Variants in TNIP1 observed in about 807,000 individuals in gnomAD.
The protein encoded by TNIP1 is TNFAIP3-interacting protein 1.
In TNIP1, 22 loss-of-function variants were observed where a neutral mutation model predicts 86.6. That is an observed-to-expected ratio of 0.25 (90% CI 0.18 to 0.36). TNIP1 has a LOEUF of 0.36. Among genes scored for constraint, TNIP1 ranks in the 10% least tolerant of loss-of-function variants. The probability of loss-of-function intolerance (pLI) is 1.00; values close to 1 mark genes in which losing one functional copy is unlikely to be tolerated. For synonymous variants in TNIP1, 294 were observed against 313.0 expected, an observed-to-expected ratio of 0.94 and a Z score of 0.64; for missense variants, 709 against 820.6, an observed-to-expected ratio of 0.86 and a Z score of 1.66.
At position 151,049,928 on chromosome 5, in the gene TNIP1, T is replaced by C; in HGVS notation, c.742A>G (p.Lys248Glu). ...ERLREENLEL[K>E]KLLMSNGNKE... ...TTGCCATTGCTCATCAACAACTTCT[T>C]GAGCTCCAAATTTTCCTCCCTGGGA... The change falls in exon 8 of 18, where the codon AAG (lysine) becomes GAG (glutamate). Residue 248 changes from lysine (K) to glutamate (E), a missense_variant. Transcript: ENST00000521591. The C allele has an allele frequency of 2.5e-6, 4 of 1,614,120 alleles. No individual in the cohort carries two copies. The highest frequency in any genetic ancestry group is 3.4e-6 in the Non-Finnish European group (4 of 1,179,980).
intron 5 of TNIP1, among the ~76,000 whole-genome samples, chr5:151,058,462 T>C (rs1214115384): frequency 2.0e-5 from 3 of 152,224 alleles, no homozygotes; most frequent in Admixed American, 6.5e-5. Context: ...ACCTGCAGTG[T>C]TACCCTACTG....
intron 9 of TNIP1, among the ~76,000 whole-genome samples, chr5:151,043,419 G>A (rs1043183766): frequency 1.3e-5 from 2 of 152,154 alleles, no homozygotes; most frequent in African/African-American, 4.8e-5. Context: ...GCCAATCTAA[G>A]CACAGAAGAT....
intron 1 of TNIP1, among the ~76,000 whole-genome samples, chr5:151,070,554 G>A (rs1335706938): frequency 6.6e-6 from 1 of 152,158 alleles, no homozygotes; most frequent in Non-Finnish European, 1.5e-5. Flanking sequence ...TGAACATGTA[G>A]CTATAAGAAG....
intron 15 of TNIP1, chr5:151,034,513 G>A (rs1261044752): frequency 3.7e-6 from 1 of 270,370 alleles, no homozygotes; most frequent in East Asian, 1.5e-4. Context: ...GGAAGGCTGG[G>A]TAAATGGACA....
chr5:151,071,246 A>G (rs1762794338), intron 1 of TNIP1, among the ~76,000 whole-genome samples: 1 of 152,164 alleles, frequency 6.6e-6, no homozygotes, highest in African/African-American at 2.4e-5. Flanking sequence ...CCTCACCAAC[A>G]AGGAGCCCAG....
At chr5:151,039,020 G>A in intron 12 of TNIP1, 77 bp downstream of exon 12, 1 of 1,544,818 alleles carries the variant, frequency 6.5e-7, no homozygotes, top group Non-Finnish European at 8.7e-7. Flanking sequence ...TGAATGGTTG[G>A]GGGTGCCAGT....
intron 9 of TNIP1, among the ~76,000 whole-genome samples, chr5:151,043,255 G>A (rs984624317): frequency 6.6e-6 from 1 of 152,088 alleles, no homozygotes; most frequent in Non-Finnish European, 1.5e-5. Flanking sequence ...GGGCAGTCTG[G>A]GATTATGTAT....
chr5:151,059,826 AGAGTGTGTGT>A (rs1177944827), intron 5 of TNIP1, among the ~76,000 whole-genome samples: 32 of 72,148 alleles, frequency 4.4e-4, no homozygotes, highest in Non-Finnish European at 6.8e-4. Context: ...AGAGAGAGAG[AGAGTGTGTGT>A]GTGTGTGTGT....
At chr5:151,051,318 G>A (rs1250911016) in intron 7 of TNIP1, among the ~76,000 whole-genome samples, 1 of 152,094 alleles carries the variant, frequency 6.6e-6, no homozygotes, top group African/African-American at 2.4e-5. Flanking sequence ...GAAAAACAGA[G>A]TGGCAAGTCC....
At chr5:151,062,343 G>A (rs143622517) in intron 3 of TNIP1, 131 bp from the exon 4 acceptor site, 2 of 813,098 alleles carry the variant, frequency 2.5e-6, no homozygotes, top group Non-Finnish European at 4.1e-6. Context: ...AGAATGGGAG[G>A]TGGTCTCATC....
upstream of TNIP1, among the ~76,000 whole-genome samples, chr5:151,084,439 C>T (rs531710484): frequency 6.9e-5 from 8 of 115,380 alleles, no homozygotes; most frequent in Non-Finnish European, 8.6e-5. Context: ...AGCAAGACTT[C>T]GTCTCAAAAA....
chr5:151,045,449 G>A lies in TNIP1; in HGVS notation c.936+412C>T, dbSNP rs182225471. 5.0e-4 allele frequency among the ~76,000 whole-genome samples: 76 copies of A among 152,318 alleles called. No individual in the cohort carries two copies. The East Asian group carries it at 8.9e-3, about 18-fold the overall frequency. ...AATTTATGGAGCCTCCAGGCTAGTG[G>A]GAAGCGGCCTTAATCCCTTCCTTCC... On this transcript the variant is annotated intron_variant, in intron 9 of 17. Coordinates refer to ENST00000521591, the MANE Select transcript of TNIP1 (RefSeq NM_006058.5).
Position 151,032,289 on chromosome 5 carries a change from G to A in TNIP1, c.1874C>T (p.Pro625Leu). 1.2e-6 allele frequency: 2 copies of A among 1,613,272 alleles called. No individual in the cohort carries two copies. Among genetic ancestry groups the A allele is most frequent in the South Asian group, 1.1e-5 (1 of 91,020 alleles). The stretch of plus-strand genomic sequence containing the variant: ...AAGACTCAGTATTAGGGGCTCACCT[G>A]GTTCTGTAGGCCTGGCTGTGGGAGG... ...MDPPTARPTEPESPKNDREGP... is the reference protein window; with the variant it reads ...MDPPTARPTELESPKNDREGP... The change falls in exon 17 of 18, where the codon CCA (proline) becomes CTA (leucine). Residue 625 changes from proline (P) to leucine (L), a missense_variant and splice_region_variant. Transcript: ENST00000521591.
At chr5:151,083,400 G>A (rs1764156602), upstream of TNIP1, among the ~76,000 whole-genome samples, 1 of 152,164 alleles carries the variant, frequency 6.6e-6, no homozygotes, top group Admixed American at 6.6e-5. Context: ...CTCACCAGGC[G>A]CCATCCCACC....
intron 15 of TNIP1, among the ~76,000 whole-genome samples, chr5:151,034,103 AG>A (rs1757319841): frequency 6.7e-6 from 1 of 149,218 alleles, no homozygotes; most frequent in South Asian, 2.2e-4. Context: ...TGGGCATGGA[AG>A]GCTAGTACAT....
At chr5:151,042,820 G>T in intron 10 of TNIP1, 76 bp downstream of exon 10, 1 of 1,607,052 alleles carries the variant, frequency 6.2e-7, no homozygotes, top group South Asian at 1.1e-5. Context: ...CACTCCCCAA[G>T]GTTCAAAGCT....
At chr5:151,059,858 T>C (rs993832142) in intron 5 of TNIP1, among the ~76,000 whole-genome samples, 2 of 98,750 alleles carry the variant, frequency 2.0e-5, no homozygotes, top group Non-Finnish European at 3.9e-5. Flanking sequence ...TGTGTGTGTG[T>C]GTGTGTGTGC....
At chr5:151,085,766 C>G (rs1397581786), upstream of TNIP1, among the ~76,000 whole-genome samples, 1 of 152,234 alleles carries the variant, frequency 6.6e-6, no homozygotes, top group Non-Finnish European at 1.5e-5. Context: ...TGCCCCTTGT[C>G]ATCCTCCTGG....
chr5:151,065,069 G>T lies in TNIP1; in HGVS notation c.27C>A (p.Ile9=). Residue 9 remains isoleucine, a synonymous_variant, in exon 2 of 18, where the codon ATC becomes ATA. Transcript: ENST00000521591. ...AGGGCACGCTGCCCCCAGGGTCGTA[G>T]ATCCGGTACGGTCCTCTCCCTTCCA... is the stretch of plus-strand genomic sequence containing the variant. MEGRGPYR[I]YDPGGSVPSG... The T allele has an allele frequency of 6.2e-7, 1 of 1,614,052 alleles. No individual in the cohort carries two copies. Among genetic ancestry groups the T allele is most frequent in the South Asian group, 1.1e-5 (1 of 91,080 alleles).
Sources: gnomAD v4.1 joint callset for allele counts (sites outside exome capture counted in the v4.1 genomes callset) on GRCh38, gnomAD v4.1.1 for gene constraint, MANE v1.5 for transcripts, NCBI Gene and HGNC (gene_info 2026-07-23, HGNC 2026-07-21) for gene names.